The following SPOCK3 variants were observed in gnomAD, a reference collection of about 807,000 sequenced individuals.
SPOCK3 encodes SPARC (osteonectin), cwcv and kazal like domains proteoglycan 3, also known as testican-3.
Under a neutral mutation model 56.6 loss-of-function variants are expected in SPOCK3, and 30 were observed. That is an observed-to-expected ratio of 0.53 (90% CI 0.40 to 0.72). SPOCK3 has a LOEUF of 0.72. SPOCK3 is among the 30% of genes least tolerant of loss of function. The pLI is 0.00. For missense variants in SPOCK3, 527 were observed against 530.0 expected (o/e 0.99, Z 0.06); for synonymous variants, 196 against 183.3 (o/e 1.07, Z -0.56).
chr4:166,761,921 A>AAAAAAAG lies in SPOCK3; in HGVS notation c.710-7193_710-7192insCTTTTTT, dbSNP rs1356774043. Among the ~76,000 whole-genome samples the AAAAAAAG allele has an allele frequency of 4.6e-5, 7 of 150,862 alleles. 1 individual carries two copies. The highest frequency in any genetic ancestry group is 1.5e-4 in the African/African-American group (6 of 40,922). On this transcript the variant is annotated intron_variant, in intron 7 of 10. Transcript: ENST00000357545. ...AAAAAAAAAAAAAAAAAAAAAAAAA[A>AAAAAAAG]AGAGATTTGGGGGCTTGAAAAATTT...
At chr4:166,773,904 C>A (rs1464053931) in intron 7 of SPOCK3, among the ~76,000 whole-genome samples, 1 of 152,076 alleles carries the variant, frequency 6.6e-6, no homozygotes, top group Non-Finnish European at 1.5e-5. Context: ...TAAAACCACT[C>A]TTTTTTTCTC....
At position 166,734,933 on chromosome 4, in the gene SPOCK3, A is replaced by G. The variant is rs752185934; in HGVS notation, c.1290T>C (p.Asp430=). 4 of 1,550,380 alleles carry G rather than the reference A, an allele frequency of 2.6e-6. No individual in the cohort carries two copies. In the South Asian group the frequency reaches 4.6e-5, roughly 18 times the overall value. Residue 430 remains aspartate, a synonymous_variant, in exon 11 of 11, where the codon GAT becomes GAC. Transcript: ENST00000357545. The part of the protein sequence containing the change: ...GDDDDGGDDH[D]VYI ...CAACTGTCATCAATCAAATGTATACATCATGGTCATCACCACCATCATCAT... is the reference window on the plus strand; with the variant it reads ...CAACTGTCATCAATCAAATGTATACGTCATGGTCATCACCACCATCATCAT...
intron 6 of SPOCK3, among the ~76,000 whole-genome samples, chr4:166,874,982 T>G (rs1732927456): frequency 6.6e-6 from 1 of 152,168 alleles, no homozygotes. Flanking sequence ...CAAATAACTG[T>G]GCACCTTAGT....
chr4:167,157,933 T>C (rs925879775), intron 2 of SPOCK3, among the ~76,000 whole-genome samples: 1 of 152,068 alleles, frequency 6.6e-6, no homozygotes, highest in Non-Finnish European at 1.5e-5. Context: ...CAAGTCATTG[T>C]GGATTTTTGT....
At chr4:166,772,963 T>C (rs1245009748) in intron 7 of SPOCK3, among the ~76,000 whole-genome samples, 1 of 152,122 alleles carries the variant, frequency 6.6e-6, no homozygotes, top group African/African-American at 2.4e-5. Context: ...TAATTTTTTA[T>C]TTTTGTGTTT....
intron 7 of SPOCK3, among the ~76,000 whole-genome samples, chr4:166,791,321 T>G (rs769456446): frequency 6.6e-6 from 1 of 152,178 alleles, no homozygotes; most frequent in Non-Finnish European, 1.5e-5. Context: ...TGTTAGAAAC[T>G]GCACTTTGAG....
chr4:166,816,883 G>A (rs1744434662), intron 6 of SPOCK3, among the ~76,000 whole-genome samples: 1 of 151,988 alleles, frequency 6.6e-6, no homozygotes. Context: ...CCAGTGCAAT[G>A]GGAGGGGTTT....
At chr4:166,867,426 TA>T (rs1427381122) in intron 6 of SPOCK3, among the ~76,000 whole-genome samples, 1 of 151,914 alleles carries the variant, frequency 6.6e-6, no homozygotes, top group Non-Finnish European at 1.5e-5. Flanking sequence ...CAGGTTTCAG[TA>T]CAAATGAAGT....
chr4:167,042,960 G>A (rs1048111160), intron 3 of SPOCK3, among the ~76,000 whole-genome samples: 2 of 152,020 alleles, frequency 1.3e-5, no homozygotes, highest in Non-Finnish European at 2.9e-5. Context: ...TTAAGAGATG[G>A]TGGAATTTTG....
chr4:167,017,302 C>A (rs1750719281), intron 3 of SPOCK3, among the ~76,000 whole-genome samples: 2 of 152,066 alleles, frequency 1.3e-5, no homozygotes, highest in Non-Finnish European at 2.9e-5. Context: ...CAGACATGAA[C>A]ATATCTTAAT....
At chr4:167,131,603 C>G (rs1762702704) in intron 2 of SPOCK3, among the ~76,000 whole-genome samples, 1 of 151,816 alleles carries the variant, frequency 6.6e-6, no homozygotes, top group African/African-American at 2.4e-5. Context: ...ACTCCGTCCC[C>G]CACAAAAAAA....
intron 7 of SPOCK3, among the ~76,000 whole-genome samples, chr4:166,782,198 A>C (rs1385537973): frequency 6.6e-6 from 1 of 152,150 alleles, no homozygotes; most frequent in Non-Finnish European, 1.5e-5. Flanking sequence ...ATCAAACATG[A>C]GATCTTATTA....
At chr4:167,077,067 T>C (rs529743598) in intron 2 of SPOCK3, among the ~76,000 whole-genome samples, 13 of 151,786 alleles carry the variant, frequency 8.6e-5, no homozygotes, top group Non-Finnish European at 1.8e-4. Context: ...GAGATCAAAA[T>C]AAGAAGCAAA....
chr4:167,010,810 T>C (rs1027230825), intron 3 of SPOCK3, among the ~76,000 whole-genome samples: 2 of 150,400 alleles, frequency 1.3e-5, no homozygotes, highest in African/African-American at 5.0e-5. Context: ...GAAAAATGAT[T>C]AATTTCCAGT....
At chr4:167,170,315 G>A (rs187569568) in intron 2 of SPOCK3, among the ~76,000 whole-genome samples, 4 of 152,210 alleles carry the variant, frequency 2.6e-5, no homozygotes, top group Non-Finnish European at 2.9e-5. Flanking sequence ...TTGAATGTCC[G>A]ATACCTTTAA....
At chr4:166,956,090 C>G (rs1038529381) in intron 4 of SPOCK3, among the ~76,000 whole-genome samples, 1 of 151,976 alleles carries the variant, frequency 6.6e-6, no homozygotes, top group Admixed American at 6.6e-5. Flanking sequence ...TTTCCTCCAC[C>G]CAAATTCAGC....
intron 5 of SPOCK3, among the ~76,000 whole-genome samples, chr4:166,905,873 G>A (rs572593539): frequency 1.3e-5 from 2 of 151,916 alleles, no homozygotes; most frequent in South Asian, 4.1e-4. Flanking sequence ...ATTTACAATA[G>A]TACTAATAAA....
chr4:167,173,753 A>C (rs1730710963), intron 2 of SPOCK3, among the ~76,000 whole-genome samples: 1 of 152,096 alleles, frequency 6.6e-6, no homozygotes, highest in African/African-American at 2.4e-5. Flanking sequence ...GAGTACAGTG[A>C]GAAAAACTGA....
At chr4:167,072,842 G>C (rs1478766086) in intron 2 of SPOCK3, among the ~76,000 whole-genome samples, 4 of 151,670 alleles carry the variant, frequency 2.6e-5, no homozygotes, top group East Asian at 1.9e-4. Flanking sequence ...TTTAGACACA[G>C]GTTGCAAATA....
Sources: allele counts gnomAD v4.1 joint callset (sites outside exome capture counted in the v4.1 genomes callset), GRCh38; gene constraint gnomAD v4.1.1; transcripts MANE v1.5; gene names NCBI Gene and HGNC (gene_info 2026-07-23, HGNC 2026-07-21).